The following MBD2 variants were observed in gnomAD, a reference collection of about 807,000 sequenced individuals.
MBD2 encodes methyl-CpG-binding domain protein 2.
Under a neutral mutation model 39.3 loss-of-function variants are expected in MBD2, and 9 were observed. The ratio of observed to expected loss-of-function variants is 0.23; its 90% CI spans 0.14 to 0.40. MBD2 has a LOEUF of 0.40. MBD2 is among the 10% of genes least tolerant of loss of function. The pLI is 1.00. For missense variants in MBD2, 458 were observed against 532.6 expected (o/e 0.86, Z 1.38); for synonymous variants, 233 against 211.1 (o/e 1.10, Z -0.90).
chr18:54,188,105 G>GA (rs145706098), intron 3 of MBD2, among the ~76,000 whole-genome samples: 11 of 150,044 alleles, frequency 7.3e-5, no homozygotes, highest in South Asian at 2.1e-4. Context: ...AGAAAGGAGA[G>GA]AAAAAAAAAC....
At position 54,154,409 on chromosome 18, in the gene MBD2, A is replaced by G. The variant is rs1334748548; in HGVS notation, c.*915T>C. On this transcript the variant is annotated 3_prime_UTR_variant, in exon 7 of 7. Coordinates refer to ENST00000256429, the MANE Select transcript of MBD2 (RefSeq NM_003927.5). ...CTGTCTAGAAGCTGCCTCTCACTGT[A>G]GCCAAGAGTCTGACCTGCACCTGAT... 1.3e-5 allele frequency: 2 copies of G among 152,168 alleles called. No individual in the cohort carries two copies. The highest frequency in any genetic ancestry group is 1.9e-4 in the East Asian group (1 of 5,196). 9.4% of individuals were successfully genotyped at this position (152,168 alleles called of 1,614,324 possible). A position where few individuals can be genotyped will look rare whatever the true frequency, so the allele number is the denominator to read the frequency against.
chr18:54,204,985 TA>T lies in MBD2; in HGVS notation c.702+12del, dbSNP rs773514651. 1.2e-4 allele frequency: 201 copies of T among 1,610,764 alleles called. No individual in the cohort carries two copies. In the African/African-American group the frequency reaches 2.2e-3, roughly 18 times the overall value. Reference sequence around the variant, plus strand: ...CGAAGTAGCATATACATGCGATAAGTAAATTAACCAACCTTATTTTGATTGA... The same window carrying T: ...CGAAGTAGCATATACATGCGATAAGTAATTAACCAACCTTATTTTGATTGA... On this transcript the variant is annotated intron_variant, in intron 2 of 6. Coordinates refer to ENST00000256429, the MANE Select transcript of MBD2 (RefSeq NM_003927.5).
intron 3 of MBD2, among the ~76,000 whole-genome samples, chr18:54,186,150 T>C (rs2086285096): frequency 2.0e-5 from 3 of 152,078 alleles, no homozygotes; most frequent in Admixed American, 6.5e-5. Context: ...ATCCTAGTTA[T>C]AGGCCTCAAA....
intron 1 of MBD2, among the ~76,000 whole-genome samples, chr18:54,220,987 A>G (rs2086606800): frequency 6.6e-6 from 1 of 152,238 alleles, no homozygotes; most frequent in African/African-American, 2.4e-5. Flanking sequence ...TTGGCCCTGA[A>G]TGAAACAGGT....
At chr18:54,164,754 A>G in intron 4 of MBD2, 54 bp from the exon 5 acceptor site, 1 of 1,406,202 alleles carries the variant, frequency 7.1e-7, no homozygotes, top group South Asian at 1.2e-5. Context: ...TGCTGAGCAA[A>G]CTTTATGTGA....
At position 54,159,917 on chromosome 18, in the gene MBD2, G is replaced by T; in HGVS notation, c.1110-14C>A. The T allele has an allele frequency of 1.2e-6, 2 of 1,609,532 alleles. No individual in the cohort carries two copies. The highest frequency in any genetic ancestry group is 1.7e-6 in the Non-Finnish European group (2 of 1,179,608). On this transcript the variant is annotated splice_polypyrimidine_tract_variant and intron_variant, in intron 5 of 6. Coordinates refer to ENST00000256429, the MANE Select transcript of MBD2 (RefSeq NM_003927.5). ...TCTTCCTGTTTCCTTTTTAAAAACAGAATAAAAAGGCACTGAGAATTTGGC... is the reference window on the plus strand; with the variant it reads ...TCTTCCTGTTTCCTTTTTAAAAACATAATAAAAAGGCACTGAGAATTTGGC...
intron 1 of MBD2, among the ~76,000 whole-genome samples, chr18:54,205,636 G>A (rs572308603): frequency 2.0e-5 from 3 of 148,402 alleles, no homozygotes; most frequent in African/African-American, 5.0e-5. Flanking sequence ...AGGGAACTCC[G>A]TAACTTCCCT....
chr18:54,182,600 A>G (rs1318819232), intron 3 of MBD2, among the ~76,000 whole-genome samples: 2 of 152,210 alleles, frequency 1.3e-5, no homozygotes, highest in Non-Finnish European at 2.9e-5. Context: ...AAGCTACCAG[A>G]AAGCACTGCA....
chr18:54,210,780 T>G, intron 1 of MBD2, among the ~76,000 whole-genome samples: 1 of 152,020 alleles, frequency 6.6e-6, no homozygotes, highest in Non-Finnish European at 1.5e-5. Context: ...AAATACTTTA[T>G]GGGGAATAAT....
intron 3 of MBD2, among the ~76,000 whole-genome samples, chr18:54,178,220 T>C (rs772489348): frequency 4.6e-5 from 7 of 152,038 alleles, no homozygotes; most frequent in East Asian, 1.9e-4. Context: ...AATCAACCAC[T>C]AGAATTAAAA....
intron 2 of MBD2, among the ~76,000 whole-genome samples, chr18:54,201,688 C>G (rs917162737): frequency 3.9e-5 from 6 of 151,960 alleles, no homozygotes; most frequent in African/African-American, 1.5e-4. Context: ...CGGTGAAACT[C>G]CGTCTCTACT....
At chr18:54,196,536 TA>T (rs1217758357) in intron 2 of MBD2, among the ~76,000 whole-genome samples, 7 of 152,322 alleles carry the variant, frequency 4.6e-5, no homozygotes, top group African/African-American at 1.7e-4. Flanking sequence ...ATTAGCTATG[TA>T]CACATCCTTG....
At chr18:54,197,683 A>T (rs1000757102) in intron 2 of MBD2, among the ~76,000 whole-genome samples, 3 of 152,084 alleles carry the variant, frequency 2.0e-5, no homozygotes, top group African/African-American at 7.2e-5. Context: ...AGTCAATCCT[A>T]TTTTCAAGAG....
At chr18:54,194,250 T>A (rs1459983522) in intron 2 of MBD2, among the ~76,000 whole-genome samples, 1 of 152,094 alleles carries the variant, frequency 6.6e-6, no homozygotes, top group Non-Finnish European at 1.5e-5. Flanking sequence ...CTGTTAAATC[T>A]AACAGAATCT....
chr18:54,198,704 G>A (rs151321988), intron 2 of MBD2, among the ~76,000 whole-genome samples: 19 of 152,282 alleles, frequency 1.2e-4, no homozygotes, highest in African/African-American at 4.1e-4. Flanking sequence ...AAGTGAGACC[G>A]TCTCAACAAT....
At chr18:54,156,768 G>A (rs1402285706) in intron 6 of MBD2, among the ~76,000 whole-genome samples, 1 of 152,010 alleles carries the variant, frequency 6.6e-6, no homozygotes, top group Non-Finnish European at 1.5e-5. Flanking sequence ...CAGGAGAATC[G>A]CTTGAACCCG....
chr18:54,190,770 G>A (rs2086314978), intron 2 of MBD2, among the ~76,000 whole-genome samples: 1 of 152,056 alleles, frequency 6.6e-6, no homozygotes, highest in African/African-American at 2.4e-5. Context: ...CATTAAGTGA[G>A]GACTTACTGA....
intron 2 of MBD2, chr18:54,203,242 A>C (rs2086423159): frequency 9.5e-6 from 10 of 1,048,762 alleles, no homozygotes; most frequent in Non-Finnish European, 1.4e-5. Flanking sequence ...AGTAATCTAA[A>C]AGTACTCTTC....
In MBD2 at chr18:54,172,402, G is replaced by A. The variant is rs555324495; in HGVS notation, c.841-6236C>T. Among the ~76,000 whole-genome samples the A allele has an allele frequency of 2.6e-5, 4 of 152,208 alleles. No homozygotes were observed. In the South Asian group the frequency reaches 6.2e-4, roughly 24 times the overall value. ...TCCAAGAAAACACTTCCAGATAAGC[G>A]ACACTAACGATGGTATGGGAGCAAG... On this transcript the variant is annotated intron_variant, in intron 3 of 6. Transcript: ENST00000256429.
Sources: allele counts gnomAD v4.1 joint callset (sites outside exome capture counted in the v4.1 genomes callset), GRCh38; gene constraint gnomAD v4.1.1; transcripts MANE v1.5; gene names NCBI Gene and HGNC (gene_info 2026-07-23, HGNC 2026-07-21).